Variants in GALNT9 observed in about 807,000 individuals in gnomAD.
The protein encoded by GALNT9 is GalNAc transferase 9.
In GALNT9, 47 loss-of-function variants were observed where a neutral mutation model predicts 63.1. That is an observed-to-expected ratio of 0.75 (90% confidence interval 0.59 to 0.95). GALNT9 has a LOEUF of 0.95. Among genes scored for constraint, GALNT9 ranks in the 40% least tolerant of loss-of-function variants. The probability of loss-of-function intolerance (pLI) is 0.00; values close to 1 mark genes in which losing one functional copy is unlikely to be tolerated. For missense variants in GALNT9, 829 were observed against 874.8 expected, an observed-to-expected ratio of 0.95 and a Z score of 0.66; for synonymous variants, 396 against 365.7, an observed-to-expected ratio of 1.08 and a Z score of -0.94.
rs553836179 is a variant in GALNT9 at position 132,307,513 on chromosome 12, C to A, written c.239-21083G>T. On this transcript the variant is annotated intron_variant, in intron 1 of 10. Transcript: ENST00000328957. ...GAGTGCCCTTGATCACCCAGGTGCA[C>A]CCTGAATACAATCACCAGTGTCTTA... Among the ~76,000 whole-genome samples, 28 of 152,128 alleles carry A rather than the reference C, an allele frequency of 1.8e-4. 2 individuals are homozygous for A. In the South Asian group the frequency reaches 5.8e-3, roughly 32 times the overall value.
intron 6 of GALNT9, among the ~76,000 whole-genome samples, chr12:132,223,177 C>A (rs1194832379): frequency 8.3e-6 from 1 of 120,108 alleles, no homozygotes; most frequent in Non-Finnish European, 1.8e-5. Context: ...CAACCCACAC[C>A]GCACACAACC....
chr12:132,224,998 A>T (rs1877594628), intron 6 of GALNT9, among the ~76,000 whole-genome samples: 1 of 134,154 alleles, frequency 7.5e-6, no homozygotes, highest in African/African-American at 2.8e-5. Context: ...TACACACCCT[A>T]TACACTATAC....
chr12:132,327,741 C>A lies in GALNT9; in HGVS notation c.238+1225G>T, dbSNP rs142136827. On this transcript the variant is annotated intron_variant, in intron 1 of 10. Coordinates refer to ENST00000328957, the MANE Select transcript of GALNT9 (RefSeq NM_001122636.2). This position sits in a 1 kb window ranked among gnomAD's most constrained non-coding sequence, Gnocchi z 4.3. ...AGGGATTCTGTGGGTGATGGGAAGG[C>A]GCTCAGGAAGTCAGGGTGCTCTGAG... 6.6e-6 allele frequency among the ~76,000 whole-genome samples: 1 copy of A among 152,104 alleles called. No individual in the cohort carries two copies. Among genetic ancestry groups the A allele is most frequent in the Non-Finnish European group, 1.5e-5 (1 of 68,022 alleles).
intron 1 of GALNT9, among the ~76,000 whole-genome samples, chr12:132,303,439 C>A (rs1404508645): frequency 3.5e-5 from 5 of 142,398 alleles, no homozygotes; most frequent in Admixed American, 7.0e-5. Context: ...CCGGGCACAC[C>A]CTCGCCCGGG....
chr12:132,311,599 G>A (rs1438772647), intron 1 of GALNT9, among the ~76,000 whole-genome samples: 1 of 152,260 alleles, frequency 6.6e-6, no homozygotes, highest in Non-Finnish European at 1.5e-5. Context: ...AGTGCCGGCA[G>A]AGAGAGCAGA....
intron 7 of GALNT9, among the ~76,000 whole-genome samples, chr12:132,202,519 TGTG>T (rs1209357647): frequency 6.6e-6 from 1 of 152,068 alleles, no homozygotes; most frequent in Non-Finnish European, 1.5e-5. Flanking sequence ...ATTTAGGGGC[TGTG>T]GTGGGAAGTT....
intron 7 of GALNT9, among the ~76,000 whole-genome samples, chr12:132,202,932 A>G (rs1876282750): frequency 6.6e-6 from 1 of 152,210 alleles, no homozygotes; most frequent in Non-Finnish European, 1.5e-5. Flanking sequence ...TCATAGGCCA[A>G]AGCCCAACAG....
At chr12:132,204,900 C>T (rs3935241) in intron 6 of GALNT9, among the ~76,000 whole-genome samples, 3,619 of 152,254 alleles carry the variant, frequency 0.024, 144 homozygotes, top group African/African-American at 0.082. Flanking sequence ...ACGAGTGTGC[C>T]AGGCCCAGGG....
intron 6 of GALNT9, among the ~76,000 whole-genome samples, chr12:132,210,243 G>T (rs1876895295): frequency 6.6e-6 from 1 of 152,254 alleles, no homozygotes; most frequent in Admixed American, 6.5e-5. Context: ...TGGGCGTTGG[G>T]TCAAAAACTC....
Position 132,201,164 on chromosome 12 carries a change from G to T in GALNT9, c.1361C>A (p.Pro454Gln), listed in dbSNP as rs1346949776. ...GGTGTTGTTGTAGACCCTCATCTCC[G>T]GGTACACGTTCTCCAGGTACCACTT... ...SFKWYLENVY[P>Q]EMRVYNNTLT... Residue 454 changes from proline (P) to glutamine (Q), a missense_variant, in exon 8 of 11, where the codon CCG (proline) becomes CAG (glutamine). By Grantham distance (76) the Pro-to-Gln change is moderately conservative. Transcript: ENST00000328957. The T allele has an allele frequency of 6.2e-7, 1 of 1,613,254 alleles. No individual in the cohort carries two copies. Among genetic ancestry groups the T allele is most frequent in the Admixed American group, 1.7e-5 (1 of 59,938 alleles).
At chr12:132,303,463 G>GGACACACCCTCACCCA (rs1566019086) in intron 1 of GALNT9, among the ~76,000 whole-genome samples, 10 of 58,872 alleles carry the variant, frequency 1.7e-4, no homozygotes, top group African/African-American at 5.4e-4. Context: ...ACCCTCGCCC[G>GGACACACCCTCACCCA]GACACACCCT....
chr12:132,268,545 A>C (rs1879742312), intron 2 of GALNT9, among the ~76,000 whole-genome samples: 1 of 152,134 alleles, frequency 6.6e-6, no homozygotes, highest in Non-Finnish European at 1.5e-5. Context: ...AAAATGGATA[A>C]ATTGGACTTT....
intron 6 of GALNT9, 123 bp from the exon 7 acceptor site, chr12:132,203,813 A>C (rs1876416369): frequency 3.9e-6 from 4 of 1,030,134 alleles, no homozygotes; most frequent in Non-Finnish European, 5.5e-6. Context: ...CCCACCACCG[A>C]CGGGCCTGGT....
chr12:132,276,254 G>C lies in GALNT9; in HGVS notation c.419+9996C>G, dbSNP rs1880083704. 3 of 154,812 alleles carry C rather than the reference G, an allele frequency of 1.9e-5. No homozygotes were observed. The South Asian group carries it at 6.1e-4, about 31-fold the overall frequency. 9.6% of individuals were successfully genotyped at this position (154,812 alleles called of 1,614,324 possible). A position where few individuals can be genotyped will look rare whatever the true frequency, so the allele number is the denominator to read the frequency against. On this transcript the variant is annotated intron_variant, in intron 2 of 10. Transcript: ENST00000328957. ...AGGGCACAGACCCCAGGCCTGGACA[G>C]AGCCGGGCACGTGTGAAACGGGAAG... is the stretch of plus-strand genomic sequence containing the variant.
At chr12:132,219,106 C>A (rs575911302) in intron 6 of GALNT9, among the ~76,000 whole-genome samples, 1 of 152,264 alleles carries the variant, frequency 6.6e-6, no homozygotes, top group Admixed American at 6.5e-5. Flanking sequence ...GTCCCACCCC[C>A]CTCCACACAA....
At chr12:132,267,744 A>C (rs1842817334) in intron 2 of GALNT9, among the ~76,000 whole-genome samples, 2 of 132,488 alleles carry the variant, frequency 1.5e-5, no homozygotes, top group African/African-American at 8.1e-5. Context: ...GAAATACACA[A>C]GCACACACAC....
At chr12:132,250,903 ACCTGTCG>A (rs1370873747) in intron 5 of GALNT9, among the ~76,000 whole-genome samples, 1 of 152,158 alleles carries the variant, frequency 6.6e-6, no homozygotes, top group African/African-American at 2.4e-5. Context: ...CCTGCGGTGG[ACCTGTCG>A]CCTGCACACG....
chr12:132,222,502 G>T (rs1285565149), intron 6 of GALNT9, among the ~76,000 whole-genome samples: 1 of 152,182 alleles, frequency 6.6e-6, no homozygotes, highest in South Asian at 2.1e-4. Context: ...CAGGGAAAGC[G>T]CTTGGTCACA....
rs1184147435 is a variant in GALNT9 at position 132,236,132 on chromosome 12, G to A, written c.1077+11778C>T. Among the ~76,000 whole-genome samples the A allele has an allele frequency of 1.1e-4, 16 of 151,952 alleles. No individual in the cohort carries two copies. Among genetic ancestry groups the A allele is most frequent in the African/African-American group, 3.4e-4 (14 of 41,432 alleles). On this transcript the variant is annotated intron_variant, in intron 6 of 10. Transcript: ENST00000328957. This position sits in a 1 kb window ranked among gnomAD's most constrained non-coding sequence, Gnocchi z 5.6. ...TCCCCCGGGCTGGAGTTCAACCCTC[G>A]GGACAGGGCAGAAGATCCCCTGGGC...
Sources: allele counts gnomAD v4.1 joint callset (sites outside exome capture counted in the v4.1 genomes callset), GRCh38; gene constraint gnomAD v4.1.1; non-coding constraint Gnocchi (gnomAD v3.1); transcripts MANE v1.5; gene names NCBI Gene and HGNC (gene_info 2026-07-23, HGNC 2026-07-21).